The following PAPPA2 variants were observed in gnomAD, a reference collection of about 807,000 sequenced individuals.
PAPPA2 encodes the protein pappalysin-2.
A neutral mutation model predicts 176.4 loss-of-function variants in PAPPA2; 86 were observed. The observed-to-expected ratio is 0.49, with a 90% CI of 0.41 to 0.58. The LOEUF is 0.58. Among genes scored for constraint, PAPPA2 ranks in the 20% least tolerant of loss-of-function variants. PAPPA2 has a pLI of 0.00. For synonymous variants in PAPPA2, 809 were observed against 852.2 expected (o/e 0.95, Z 0.88); for missense variants, 2,073 against 2,256.9 (o/e 0.92, Z 1.65).
At chr1:176,641,338 C>A (rs1657076256) in intron 3 of PAPPA2, among the ~76,000 whole-genome samples, 1 of 151,916 alleles carries the variant, frequency 6.6e-6, no homozygotes, top group South Asian at 2.1e-4. Flanking sequence ...ATATTTAAGT[C>A]TTTAATCCAT....
At chr1:176,576,474 GGTGTGTGT>G (rs10583497) in intron 2 of PAPPA2, among the ~76,000 whole-genome samples, 3 of 150,156 alleles carry the variant, frequency 2.0e-5, no homozygotes, top group Non-Finnish European at 3.0e-5. Flanking sequence ...ACGTCAATGG[GGTGTGTGT>G]GTGTGTGTGT....
chr1:176,781,529 G>A (rs1318563464), intron 17 of PAPPA2, among the ~76,000 whole-genome samples: 1 of 151,706 alleles, frequency 6.6e-6, no homozygotes, highest in Non-Finnish European at 1.5e-5. Flanking sequence ...AACTATGATG[G>A]GCTGTAGACT....
chr1:176,525,753 C>A (rs967302869), intron 1 of PAPPA2, among the ~76,000 whole-genome samples: 1 of 152,158 alleles, frequency 6.6e-6, no homozygotes, highest in Admixed American at 6.5e-5. Flanking sequence ...ACAGCCAGGT[C>A]GCTTTTGAGA....
At chr1:176,565,911 G>C (rs1467059836) in intron 2 of PAPPA2, among the ~76,000 whole-genome samples, 2 of 152,138 alleles carry the variant, frequency 1.3e-5, no homozygotes, top group African/African-American at 2.4e-5. Context: ...CTTCTTGAAG[G>C]TATCCTCAGA....
At chr1:176,586,634 A>G (rs1420063965) in intron 2 of PAPPA2, among the ~76,000 whole-genome samples, 1 of 152,118 alleles carries the variant, frequency 6.6e-6, no homozygotes, top group Admixed American at 6.5e-5. Flanking sequence ...TTTCCTTTTT[A>G]TGGCTGCATA....
chr1:176,656,506 TG>T (rs1658041807), intron 3 of PAPPA2, among the ~76,000 whole-genome samples: 1 of 151,864 alleles, frequency 6.6e-6, no homozygotes, highest in South Asian at 2.1e-4. Flanking sequence ...TGGGTAGGAA[TG>T]GGCAATGTAA....
At chr1:176,815,673 C>T (rs1280034456) in intron 21 of PAPPA2, among the ~76,000 whole-genome samples, 1 of 152,076 alleles carries the variant, frequency 6.6e-6, no homozygotes, top group Non-Finnish European at 1.5e-5. Flanking sequence ...AGTTGAGGTA[C>T]ACCTTGCTTG....
At chr1:176,666,561 A>ATGTG (rs139660279) in intron 3 of PAPPA2, among the ~76,000 whole-genome samples, 1,752 of 109,438 alleles carry the variant, frequency 0.016, 12 homozygotes, top group Non-Finnish European at 0.022. Context: ...GTAAATATAT[A>ATGTG]TGTGTGTGTG....
At chr1:176,814,625 C>T (rs942449011) in intron 21 of PAPPA2, among the ~76,000 whole-genome samples, 4 of 152,172 alleles carry the variant, frequency 2.6e-5, no homozygotes, top group African/African-American at 9.7e-5. Context: ...GATTTTTGCA[C>T]ATTGATTTTG....
chr1:176,623,321 A>G (rs191769314), intron 3 of PAPPA2, among the ~76,000 whole-genome samples: 1 of 152,308 alleles, frequency 6.6e-6, no homozygotes, highest in East Asian at 1.9e-4. Flanking sequence ...TCTTTAATTC[A>G]GAGAGGTGAA....
intron 1 of PAPPA2, among the ~76,000 whole-genome samples, chr1:176,480,372 C>G (rs935698807): frequency 1.3e-5 from 2 of 152,190 alleles, no homozygotes; most frequent in African/African-American, 4.8e-5. Context: ...CTGGAATGAG[C>G]TGGCAGGCCT....
chr1:176,781,999 T>C (rs1243680226), intron 17 of PAPPA2, among the ~76,000 whole-genome samples: 3 of 152,222 alleles, frequency 2.0e-5, no homozygotes, highest in Non-Finnish European at 4.4e-5. Flanking sequence ...CCTTACATCT[T>C]CTTTTTAGGG....
intron 1 of PAPPA2, among the ~76,000 whole-genome samples, chr1:176,513,105 C>G (rs12116600): frequency 0.17 from 26,533 of 152,034 alleles, 2,485 homozygotes; most frequent in Middle Eastern, 0.28. Flanking sequence ...TGGGCCTGGA[C>G]TTAACTTAGC....
intron 8 of PAPPA2, among the ~76,000 whole-genome samples, chr1:176,702,179 G>A (rs190563233): frequency 2.6e-5 from 4 of 152,254 alleles, no homozygotes; most frequent in Non-Finnish European, 2.9e-5. Flanking sequence ...AACTATGATC[G>A]CAGACCCAAG....
Position 176,594,918 on chromosome 1 carries a change from T to G in PAPPA2, c.1314T>G (p.Phe438Leu). The change falls in exon 3 of 23, where the codon TTT (phenylalanine) becomes TTG (leucine). Residue 438 changes from phenylalanine to leucine, a missense_variant. By Grantham distance (22) the Phe-to-Leu change is conservative. Coordinates refer to ENST00000367662, the MANE Select transcript of PAPPA2 (RefSeq NM_020318.3). Reference sequence around the variant, plus strand: ...CGACCGCCCTGCCACAAAGCCATTTTCAGCACAGTTCTCAGCATTCAAGTG... The same window carrying G: ...CGACCGCCCTGCCACAAAGCCATTTGCAGCACAGTTCTCAGCATTCAAGTG... ...FWSTALPQSH[F>L]QHSSQHSSGE... is the part of the protein sequence containing the mutation. 1 of 1,614,230 alleles carries G rather than the reference T, an allele frequency of 6.2e-7. No homozygotes were observed. The highest frequency in any genetic ancestry group is 8.5e-7 in the Non-Finnish European group (1 of 1,180,054).
chr1:176,569,360 A>G (rs1255561029), intron 2 of PAPPA2, among the ~76,000 whole-genome samples: 1 of 152,114 alleles, frequency 6.6e-6, no homozygotes, highest in African/African-American at 2.4e-5. Flanking sequence ...CCGAAACCAC[A>G]TGCACCTGAA....
At position 176,779,821 on chromosome 1, in the gene PAPPA2, C is replaced by T. The variant is rs139880471; in HGVS notation, c.4715+8641C>T. On this transcript the variant is annotated intron_variant, in intron 17 of 22. Transcript: ENST00000367662. ...ATTCCAAAGCACCTGCTTTCAGCCA[C>T]GCTGCTACACATTCTTCCTGATGGG... Among the ~76,000 whole-genome samples the T allele has an allele frequency of 4.6e-4, 70 of 152,292 alleles. 2 individuals are homozygous for T. In the East Asian group the frequency reaches 6.6e-3, roughly 14 times the overall value.
At chr1:176,512,509 A>C (rs1201041135) in intron 1 of PAPPA2, among the ~76,000 whole-genome samples, 1 of 152,202 alleles carries the variant, frequency 6.6e-6, no homozygotes, top group African/African-American at 2.4e-5. Flanking sequence ...AAAAGAGTGC[A>C]TACTGTAGCA....
chr1:176,487,698 C>T (rs971893068), intron 1 of PAPPA2, among the ~76,000 whole-genome samples: 5 of 142,604 alleles, frequency 3.5e-5, no homozygotes, highest in Non-Finnish European at 6.0e-5. Context: ...GGTCTAGGAC[C>T]TTGTAGGGGT....
Sources: allele counts gnomAD v4.1 joint callset (sites outside exome capture counted in the v4.1 genomes callset), GRCh38; gene constraint gnomAD v4.1.1; transcripts MANE v1.5; gene names NCBI Gene and HGNC (gene_info 2026-07-23, HGNC 2026-07-21).